The following PPP1R14C variants were observed in gnomAD, a reference collection of about 807,000 sequenced individuals.
The protein encoded by PPP1R14C is protein phosphatase 1 regulatory subunit 14C.
Under a neutral mutation model 20.4 loss-of-function variants are expected in PPP1R14C, and 16 were observed. The observed-to-expected ratio is 0.78, with a 90% CI of 0.53 to 1.19. PPP1R14C has a LOEUF of 1.19. Ranked by LOEUF, PPP1R14C falls within the 50% of genes most tolerant of loss-of-function variation. The probability of loss-of-function intolerance (pLI) is 0.00; values close to 1 mark genes in which losing one functional copy is unlikely to be tolerated. For missense variants in PPP1R14C, 211 were observed against 220.1 expected (o/e 0.96, Z 0.26); for synonymous variants, 91 against 91.0 (o/e 1.00, Z 0.00).
chr6:150,192,322 G>A (rs1487050878), intron 1 of PPP1R14C, among the ~76,000 whole-genome samples: 2 of 152,124 alleles, frequency 1.3e-5, no homozygotes, highest in African/African-American at 4.8e-5. Flanking sequence ...ACAGACTGGG[G>A]GTTGGGTGCA....
At chr6:150,172,954 C>T (rs765237662) in intron 1 of PPP1R14C, among the ~76,000 whole-genome samples, 30 of 152,094 alleles carry the variant, frequency 2.0e-4, no homozygotes, top group African/African-American at 7.0e-4. Context: ...TCCCCATCCA[C>T]CTCCAAACTG....
At chr6:150,221,322 C>G (rs1040454972) in intron 3 of PPP1R14C, among the ~76,000 whole-genome samples, 1 of 152,188 alleles carries the variant, frequency 6.6e-6, no homozygotes, top group African/African-American at 2.4e-5. Flanking sequence ...GGACTCAACC[C>G]GAGTTTCTGA....
At chr6:150,227,914 C>A (rs1778248414) in intron 3 of PPP1R14C, among the ~76,000 whole-genome samples, 1 of 152,146 alleles carries the variant, frequency 6.6e-6, no homozygotes. Context: ...GGATTTTGGT[C>A]CCATTATTAC....
intron 3 of PPP1R14C, among the ~76,000 whole-genome samples, chr6:150,217,875 A>C (rs2114913218): frequency 6.6e-6 from 1 of 152,298 alleles, no homozygotes; most frequent in South Asian, 2.1e-4. Flanking sequence ...TGCTTTTACA[A>C]GTGTCTGATT....
chr6:150,226,594 T>C (rs916455438), intron 3 of PPP1R14C, among the ~76,000 whole-genome samples: 1 of 152,178 alleles, frequency 6.6e-6, no homozygotes, highest in African/African-American at 2.4e-5. Context: ...CCTTACCGTC[T>C]GTTAGGGGAG....
chr6:150,234,944 A>C (rs1049493383), intron 3 of PPP1R14C, among the ~76,000 whole-genome samples: 1 of 152,094 alleles, frequency 6.6e-6, no homozygotes, highest in African/African-American at 2.4e-5. Context: ...TGAGTGAAAG[A>C]AGCCAAGTAA....
intron 1 of PPP1R14C, among the ~76,000 whole-genome samples, chr6:150,197,398 C>A (rs929890702): frequency 6.6e-6 from 1 of 152,256 alleles, no homozygotes; most frequent in South Asian, 2.1e-4. Context: ...GGCCTCAGAG[C>A]TCTGGCTCCA....
chr6:150,171,118 C>T (rs927359727), intron 1 of PPP1R14C, among the ~76,000 whole-genome samples: 1 of 152,068 alleles, frequency 6.6e-6, no homozygotes, highest in Admixed American at 6.5e-5. Context: ...ACCCAAAGTG[C>T]ATAGTTTACA....
chr6:150,173,366 C>T (rs939499981), intron 1 of PPP1R14C, among the ~76,000 whole-genome samples: 5 of 151,982 alleles, frequency 3.3e-5, no homozygotes, highest in Non-Finnish European at 7.4e-5. Context: ...TGGTGAGTGC[C>T]CGGGCCCAGC....
intron 1 of PPP1R14C, among the ~76,000 whole-genome samples, chr6:150,180,867 C>T (rs960075138): frequency 2.0e-5 from 3 of 152,124 alleles, no homozygotes; most frequent in Non-Finnish European, 4.4e-5. Context: ...CTGACAGGGG[C>T]TCTAGACAAA....
intron 1 of PPP1R14C, among the ~76,000 whole-genome samples, chr6:150,202,127 C>T (rs1032050018): frequency 1.3e-5 from 2 of 152,160 alleles, no homozygotes; most frequent in Non-Finnish European, 2.9e-5. Context: ...GCGTGAGCTC[C>T]TCTCTCGCCT....
intron 3 of PPP1R14C, among the ~76,000 whole-genome samples, chr6:150,221,597 G>T (rs982927250): frequency 5.1e-4 from 77 of 152,252 alleles, no homozygotes; most frequent in African/African-American, 1.8e-3. Context: ...ATCCCTCATT[G>T]CAGAAGTAGG....
chr6:150,206,847 T>G (rs77610362), intron 1 of PPP1R14C, among the ~76,000 whole-genome samples: 5 of 115,386 alleles, frequency 4.3e-5, no homozygotes, highest in Admixed American at 1.6e-4. Flanking sequence ...TATTTTGATG[T>G]TTTTTTTTGT....
At chr6:150,169,915 T>C (rs563878543) in intron 1 of PPP1R14C, among the ~76,000 whole-genome samples, 1 of 152,356 alleles carries the variant, frequency 6.6e-6, no homozygotes, top group East Asian at 1.9e-4. Flanking sequence ...CTGCAAACTG[T>C]TGGGGCCATG....
At chr6:150,220,898 G>A (rs551993517) in intron 3 of PPP1R14C, among the ~76,000 whole-genome samples, 6 of 152,280 alleles carry the variant, frequency 3.9e-5, no homozygotes, top group African/African-American at 1.2e-4. Flanking sequence ...GTTTCTATAC[G>A]GAGGGTCAGG....
chr6:150,184,691 C>A (rs780088441), intron 1 of PPP1R14C, among the ~76,000 whole-genome samples: 13 of 152,266 alleles, frequency 8.5e-5, no homozygotes, highest in South Asian at 6.2e-4. Context: ...GTCCTTACTC[C>A]CAGTCTGTCT....
Position 150,249,644 on chromosome 6 carries a change from T to A in PPP1R14C, c.*824T>A. The stretch of plus-strand genomic sequence containing the variant: ...AATATCCACACTATCTCAGTGGTAT[T>A]TTGCATTGGAAAAAGGAAGCACTGT... On this transcript the variant is annotated 3_prime_UTR_variant, in exon 4 of 4. Coordinates refer to ENST00000361131, the MANE Select transcript of PPP1R14C (RefSeq NM_030949.3). 2.5e-6 allele frequency: 1 copy of A among 398,172 alleles called. No individual in the cohort carries two copies. The highest frequency in any genetic ancestry group is 4.4e-6 in the Non-Finnish European group (1 of 226,032). The allele number at this position is 398,172 out of a possible 1,614,324, so 24.7% of individuals were successfully genotyped here. A position where few individuals can be genotyped will look rare whatever the true frequency, so the allele number is the denominator to read the frequency against.
chr6:150,149,455 CTTTTTTT>C (rs869244401), intron 1 of PPP1R14C, among the ~76,000 whole-genome samples: 2 of 35,484 alleles, frequency 5.6e-5, no homozygotes, highest in Admixed American at 6.5e-4. Context: ...TTTTTTTTTT[CTTTTTTT>C]TTTTTTTTTT....
chr6:150,244,056 A>C (rs927839504), intron 3 of PPP1R14C, among the ~76,000 whole-genome samples: 3 of 151,926 alleles, frequency 2.0e-5, no homozygotes, highest in Non-Finnish European at 4.4e-5. Context: ...AAACTTTTGG[A>C]GGTGTTGGAT....
Sources: allele counts gnomAD v4.1 joint callset (sites outside exome capture counted in the v4.1 genomes callset), GRCh38; gene constraint gnomAD v4.1.1; transcripts MANE v1.5; gene names NCBI Gene and HGNC (gene_info 2026-07-23, HGNC 2026-07-21).